The following MAML2 variants were observed in gnomAD, a reference collection of about 807,000 sequenced individuals.
The protein encoded by MAML2 is mastermind like transcriptional coactivator 2.
A neutral mutation model predicts 96.1 loss-of-function variants in MAML2; 22 were observed. The observed-to-expected ratio is 0.23, with a 90% CI of 0.16 to 0.33. The LOEUF (loss-of-function observed/expected upper bound fraction) is 0.33. Among genes scored for constraint, MAML2 ranks in the 10% least tolerant of loss-of-function variants. MAML2 has a pLI of 1.00. For synonymous variants in MAML2, 561 were observed against 521.3 expected (o/e 1.08, Z -1.04); for missense variants, 1,367 against 1,392.4 (o/e 0.98, Z 0.29).
chr11:96,291,279 C>T (rs1053340937), intron 1 of MAML2, among the ~76,000 whole-genome samples: 4 of 151,928 alleles, frequency 2.6e-5, no homozygotes, highest in Non-Finnish European at 5.9e-5. Flanking sequence ...GCACCCACCA[C>T]CTCACCCGGC....
intron 1 of MAML2, among the ~76,000 whole-genome samples, chr11:96,143,819 G>A (rs1293687973): frequency 6.6e-6 from 1 of 152,148 alleles, no homozygotes; most frequent in Non-Finnish European, 1.5e-5. Context: ...AGCCTTACTT[G>A]AACTGGATTT....
At chr11:96,152,757 A>T (rs1445116340) in intron 1 of MAML2, among the ~76,000 whole-genome samples, 1 of 152,226 alleles carries the variant, frequency 6.6e-6, no homozygotes, top group Non-Finnish European at 1.5e-5. Flanking sequence ...ATTTGGTAAA[A>T]GAAGGAGAGG....
In MAML2 at chr11:96,123,655, G is replaced by A. The variant is rs552507790; in HGVS notation, c.514-30138C>T. ...GTTTCCTCTGGAATCACCAAGTGGTGAGGTAGGAAACAAGGGAATTAGCAG... is the reference window on the plus strand; with the variant it reads ...GTTTCCTCTGGAATCACCAAGTGGTAAGGTAGGAAACAAGGGAATTAGCAG... On this transcript the variant is annotated intron_variant, in intron 1 of 4. Coordinates refer to ENST00000524717, the MANE Select transcript of MAML2 (RefSeq NM_032427.4). Among the ~76,000 whole-genome samples the A allele has an allele frequency of 2.0e-5, 3 of 152,312 alleles. No homozygotes were observed. In the South Asian group the frequency reaches 6.2e-4, roughly 32 times the overall value.
At chr11:96,034,029 T>C (rs1590972618) in intron 2 of MAML2, among the ~76,000 whole-genome samples, 1 of 152,334 alleles carries the variant, frequency 6.6e-6, no homozygotes, top group Non-Finnish European at 1.5e-5. Flanking sequence ...CCACTCCCTA[T>C]TGTTGGCCAA....
At chr11:96,263,743 C>T (rs1862784032) in intron 1 of MAML2, among the ~76,000 whole-genome samples, 1 of 152,154 alleles carries the variant, frequency 6.6e-6, no homozygotes, top group Non-Finnish European at 1.5e-5. Flanking sequence ...TGGAGGGGGG[C>T]TGGTGGGACC....
chr11:96,144,636 G>A (rs2135869892), intron 1 of MAML2, among the ~76,000 whole-genome samples: 1 of 152,256 alleles, frequency 6.6e-6, no homozygotes, highest in East Asian at 1.9e-4. Flanking sequence ...TGTTTTTACT[G>A]TGAAATTATA....
chr11:96,183,629 C>G (rs1861525986), intron 1 of MAML2, among the ~76,000 whole-genome samples: 1 of 151,188 alleles, frequency 6.6e-6, no homozygotes, highest in Non-Finnish European at 1.5e-5. Context: ...AGACTGGTCT[C>G]AAACTCCTGA....
At chr11:96,300,161 A>C (rs1372265479) in intron 1 of MAML2, among the ~76,000 whole-genome samples, 1 of 152,120 alleles carries the variant, frequency 6.6e-6, no homozygotes, top group African/African-American at 2.4e-5. Flanking sequence ...AGTTGATGAA[A>C]AGGTCAAAGG....
chr11:96,088,186 A>G lies in MAML2; in HGVS notation c.2139+3706T>C, dbSNP rs567928959. ...GGGTGAGGTTATTAATATATGATTG[A>G]GGAACTTGGCTTTAAACTAAGGAGG... On this transcript the variant is annotated intron_variant, in intron 2 of 4. Coordinates refer to ENST00000524717, the MANE Select transcript of MAML2 (RefSeq NM_032427.4). Among the ~76,000 whole-genome samples, 3 of 152,348 alleles carry G rather than the reference A, an allele frequency of 2.0e-5. No individual in the cohort carries two copies. The East Asian group carries it at 5.8e-4, about 29-fold the overall frequency.
chr11:96,224,760 CATA>C (rs1862188789), intron 1 of MAML2, among the ~76,000 whole-genome samples: 1 of 152,184 alleles, frequency 6.6e-6, no homozygotes, highest in Non-Finnish European at 1.5e-5. Flanking sequence ...AGTAGATGCA[CATA>C]ATGTTCTTTA....
chr11:96,021,939 G>A (rs1333127692), intron 2 of MAML2, among the ~76,000 whole-genome samples: 5 of 152,188 alleles, frequency 3.3e-5, no homozygotes, highest in Admixed American at 3.3e-4. Context: ...CTGTGGTTCT[G>A]AAAGTAAGGC....
intron 1 of MAML2, among the ~76,000 whole-genome samples, chr11:96,334,050 G>C (rs1408906180): frequency 6.6e-6 from 1 of 152,156 alleles, no homozygotes; most frequent in Non-Finnish European, 1.5e-5. Flanking sequence ...ATTGGAAGAG[G>C]TAGTACTTGG....
chr11:96,042,741 G>A lies in MAML2; in HGVS notation c.2139+49151C>T, dbSNP rs796831509. 2.2e-4 allele frequency among the ~76,000 whole-genome samples: 25 copies of A among 114,804 alleles called. 1 individual carries two copies. The highest frequency in any genetic ancestry group is 7.1e-4 in the African/African-American group (20 of 28,282). 75.3% of individuals were successfully genotyped at this position (114,804 alleles called of 152,430 possible). A position where few individuals can be genotyped will look rare whatever the true frequency, so the allele number is the denominator to read the frequency against. On this transcript the variant is annotated intron_variant, in intron 2 of 4. Transcript: ENST00000524717. The stretch of plus-strand genomic sequence containing the variant: ...TGCTTGTTACCAACCAATCGTTAAC[G>A]TTCTTTTTTTTTTTTTTTTTTGCGA...
chr11:96,024,645 T>C (rs549894172), intron 2 of MAML2, among the ~76,000 whole-genome samples: 1 of 152,334 alleles, frequency 6.6e-6, no homozygotes, highest in Admixed American at 6.5e-5. Flanking sequence ...AGAGTAAATT[T>C]CAAACCATTA....
chr11:96,153,130 C>T (rs1254718486), intron 1 of MAML2, among the ~76,000 whole-genome samples: 1 of 151,806 alleles, frequency 6.6e-6, no homozygotes, highest in African/African-American at 2.4e-5. Flanking sequence ...AAATTTAGGC[C>T]CCATCTGGAT....
At chr11:96,088,904 G>T (rs1859661271) in intron 2 of MAML2, among the ~76,000 whole-genome samples, 1 of 152,006 alleles carries the variant, frequency 6.6e-6, no homozygotes, top group Admixed American at 6.5e-5. Context: ...AGGTCACCTT[G>T]CATATCTATG....
chr11:96,149,498 G>A (rs963752068), intron 1 of MAML2, among the ~76,000 whole-genome samples: 2 of 151,240 alleles, frequency 1.3e-5, no homozygotes, highest in African/African-American at 2.4e-5. Context: ...TTGGGAGGCC[G>A]AGGCAGATGG....
intron 3 of MAML2, 61 bp from the exon 4 acceptor site, chr11:95,985,703 C>A: frequency 8.7e-7 from 1 of 1,149,848 alleles, no homozygotes; most frequent in East Asian, 2.5e-5. Flanking sequence ...TGTGAAAATA[C>A]ATGTAAAATT....
intron 2 of MAML2, among the ~76,000 whole-genome samples, chr11:96,021,019 T>G (rs980394977): frequency 6.6e-6 from 1 of 152,190 alleles, no homozygotes; most frequent in Admixed American, 6.5e-5. Flanking sequence ...TCTTCCCTTT[T>G]TTTCTTTTTT....
Sources: allele counts gnomAD v4.1 joint callset (sites outside exome capture counted in the v4.1 genomes callset), GRCh38; gene constraint gnomAD v4.1.1; transcripts MANE v1.5; gene names NCBI Gene and HGNC (gene_info 2026-07-23, HGNC 2026-07-21).